ATP8A2: variants seen among roughly 807,000 people sequenced by gnomAD.
The protein encoded by ATP8A2 is phospholipid-transporting ATPase IB.
A neutral mutation model predicts 165.6 loss-of-function variants in ATP8A2; 100 were observed. The observed-to-expected ratio is 0.60, with a 90% CI of 0.51 to 0.71. The LOEUF is 0.71. Among genes scored for constraint, ATP8A2 ranks in the 30% least tolerant of loss-of-function variants. The pLI is 0.00. For synonymous variants in ATP8A2, 543 were observed against 548.8 expected, an observed-to-expected ratio of 0.99 and a Z score of 0.15; for missense variants, 1,227 against 1,479.5, an observed-to-expected ratio of 0.83 and a Z score of 2.80.
intron 2 of ATP8A2, among the ~76,000 whole-genome samples, chr13:25,513,999 G>GGAGGGAGAGGGAGAGGGA (rs574157605): frequency 1.3e-4 from 17 of 134,638 alleles, no homozygotes; most frequent in South Asian, 5.5e-4. Flanking sequence ...AGGGGGAGGG[G>GGAGGGAGAGGGAGAGGGA]GAGGGAGAGG....
At chr13:25,904,461 C>T (rs1367152940) in intron 33 of ATP8A2, among the ~76,000 whole-genome samples, 1 of 152,194 alleles carries the variant, frequency 6.6e-6, no homozygotes, top group Non-Finnish European at 1.5e-5. Context: ...ACCCGTTGCC[C>T]CAGGGGCCTT....
intron 18 of ATP8A2, among the ~76,000 whole-genome samples, chr13:25,573,708 G>C (rs1330131393): frequency 6.6e-6 from 1 of 152,166 alleles, no homozygotes; most frequent in Non-Finnish European, 1.5e-5. Flanking sequence ...CCCTGGTGCT[G>C]GGTGGTGGTA....
chr13:25,480,487 C>T (rs1412775650), intron 2 of ATP8A2, among the ~76,000 whole-genome samples: 1 of 151,310 alleles, frequency 6.6e-6, no homozygotes, highest in East Asian at 2.0e-4. Context: ...GGGGTCGCGG[C>T]CGGGCAGAGG....
At position 25,838,179 on chromosome 13, in the gene ATP8A2, C is replaced by T. The variant is rs911507897; in HGVS notation, c.2877+894C>T. Among the ~76,000 whole-genome samples the T allele has an allele frequency of 2.6e-5, 4 of 152,124 alleles. 1 individual carries two copies. The highest frequency in any genetic ancestry group is 4.1e-4 in the South Asian group (2 of 4,824). ...TGATTTGCGTGCATGGTTCCTGGGC[C>T]GTCAGTGAGAAGGACACAGGGAGTC... On this transcript the variant is annotated intron_variant, in intron 29 of 36. Coordinates refer to ENST00000381655, the MANE Select transcript of ATP8A2 (RefSeq NM_016529.6).
At chr13:25,546,191 C>T (rs1236157786) in intron 10 of ATP8A2, among the ~76,000 whole-genome samples, 1 of 152,148 alleles carries the variant, frequency 6.6e-6, no homozygotes, top group Non-Finnish European at 1.5e-5. Context: ...CTCCAGTCTT[C>T]TCTTCAGTGA....
chr13:25,955,423 A>G (rs575155620), intron 33 of ATP8A2, among the ~76,000 whole-genome samples: 49 of 152,350 alleles, frequency 3.2e-4, no homozygotes, highest in African/African-American at 1.0e-3. Context: ...AATAGACACA[A>G]TGAAAAATGA....
intron 15 of ATP8A2, among the ~76,000 whole-genome samples, chr13:25,560,668 C>G (rs2039116716): frequency 7.4e-6 from 1 of 134,322 alleles, no homozygotes; most frequent in African/African-American, 2.8e-5. Context: ...CCACTGCATT[C>G]CAGCCTGAGT....
chr13:25,664,284 TAA>T, intron 24 of ATP8A2, among the ~76,000 whole-genome samples: 1 of 152,336 alleles, frequency 6.6e-6, no homozygotes, highest in South Asian at 2.1e-4. Flanking sequence ...TACAATAAAA[TAA>T]GTTACCTGTA....
chr13:25,854,648 C>A (rs1407762507), intron 30 of ATP8A2, among the ~76,000 whole-genome samples: 4 of 152,140 alleles, frequency 2.6e-5, no homozygotes, highest in African/African-American at 7.2e-5. Flanking sequence ...AAAATATTTC[C>A]AAGTGGCTTC....
intron 2 of ATP8A2, among the ~76,000 whole-genome samples, chr13:25,485,096 C>G (rs1196829370): frequency 6.6e-6 from 1 of 152,164 alleles, no homozygotes; most frequent in Non-Finnish European, 1.5e-5. Flanking sequence ...CAGTGATGTA[C>G]CAGAGTAAAC....
rs376747317 is a variant in ATP8A2 at position 25,570,887 on chromosome 13, C to G, written c.1579+15C>G. 6.9e-6 allele frequency: 11 copies of G among 1,587,480 alleles called. No homozygotes were observed. Among genetic ancestry groups the G allele is most frequent in the Non-Finnish European group, 8.6e-6 (10 of 1,157,728 alleles). ...CTCTTCCCCAGGTGAGGGCTCTGGC[C>G]GGATGCGCCCTGCTGGCCCCTTCTC... On this transcript the variant is annotated intron_variant, in intron 17 of 36. Transcript: ENST00000381655.
intron 1 of ATP8A2, among the ~76,000 whole-genome samples, chr13:25,387,030 G>A (rs1207669247): frequency 6.6e-6 from 1 of 152,042 alleles, no homozygotes; most frequent in East Asian, 1.9e-4. Flanking sequence ...CAAAAAACAG[G>A]ATTCAGTCAC....
At chr13:25,923,870 A>G (rs1954527832) in intron 33 of ATP8A2, among the ~76,000 whole-genome samples, 1 of 152,168 alleles carries the variant, frequency 6.6e-6, no homozygotes, top group South Asian at 2.1e-4. Flanking sequence ...AGATTATGTA[A>G]TCCTAGCATC....
At chr13:25,746,605 C>G (rs1394565319) in intron 25 of ATP8A2, among the ~76,000 whole-genome samples, 1 of 152,180 alleles carries the variant, frequency 6.6e-6, no homozygotes, top group Non-Finnish European at 1.5e-5. Context: ...TATTATGTTT[C>G]CTGCTCATTT....
At chr13:25,626,014 A>G (rs1286503901) in intron 24 of ATP8A2, among the ~76,000 whole-genome samples, 4 of 152,174 alleles carry the variant, frequency 2.6e-5, no homozygotes, top group Admixed American at 2.6e-4. Context: ...TACAGTCAAA[A>G]TTGAATCAAT....
At chr13:25,967,731 C>T (rs904767458) in intron 34 of ATP8A2, among the ~76,000 whole-genome samples, 1 of 152,096 alleles carries the variant, frequency 6.6e-6, no homozygotes, top group African/African-American at 2.4e-5. Context: ...TAGACTGTTT[C>T]CAACTAGTAG....
chr13:25,852,525 C>T (rs1027147345), intron 30 of ATP8A2, among the ~76,000 whole-genome samples: 1 of 152,104 alleles, frequency 6.6e-6, no homozygotes, highest in East Asian at 1.9e-4. Context: ...TTCTGTCCAC[C>T]GCAGTTCTCT....
At chr13:25,651,016 A>G (rs2041799091) in intron 24 of ATP8A2, among the ~76,000 whole-genome samples, 1 of 152,180 alleles carries the variant, frequency 6.6e-6, no homozygotes, top group South Asian at 2.1e-4. Context: ...GAGTTAGGGA[A>G]GCTTTCCCTC....
At chr13:25,960,166 C>A (rs1221593813) in intron 33 of ATP8A2, among the ~76,000 whole-genome samples, 1 of 152,110 alleles carries the variant, frequency 6.6e-6, no homozygotes, top group Non-Finnish European at 1.5e-5. Flanking sequence ...TCAGGGTAAG[C>A]GGGTGGGGAT....
Sources: gnomAD v4.1 joint callset for allele counts (sites outside exome capture counted in the v4.1 genomes callset) on GRCh38, gnomAD v4.1.1 for gene constraint, MANE v1.5 for transcripts, NCBI Gene and HGNC (gene_info 2026-07-23, HGNC 2026-07-21) for gene names.